The following TAFA5 variants were observed in gnomAD, a reference collection of about 807,000 sequenced individuals.
TAFA5 encodes chemokine-like protein TAFA-5.
TAFA5 carries 6 observed loss-of-function variants against 15.3 expected under a neutral mutation model. The observed-to-expected ratio is 0.39, with a 90% CI of 0.21 to 0.77. The LOEUF (loss-of-function observed/expected upper bound fraction) is 0.77. Ranked by LOEUF, TAFA5 falls within the 30% of genes least tolerant of loss-of-function variation. TAFA5 has a pLI of 0.41. For missense variants in TAFA5, 161 were observed against 193.1 expected (o/e 0.83, Z 0.98); for synonymous variants, 103 against 80.7 (o/e 1.28, Z -1.48).
In TAFA5 at chr22:48,720,998, C is replaced by A. The variant is rs575740731; in HGVS notation, c.390+13154C>A. Among the ~76,000 whole-genome samples, 13 of 152,306 alleles carry A rather than the reference C, an allele frequency of 8.5e-5. 1 individual carries two copies. The highest frequency in any genetic ancestry group is 1.0e-4 in the Non-Finnish European group (7 of 68,012). ...ACGTGAAGACCCCGGATGAGGAACC[C>A]GAGTGGCCCCCTCTCCTGAGGGCGC... is the stretch of plus-strand genomic sequence containing the variant. On this transcript the variant is annotated intron_variant, in intron 3 of 3. Transcript: ENST00000402357.
intron 1 of TAFA5, among the ~76,000 whole-genome samples, chr22:48,636,460 A>G (rs571557371): frequency 6.6e-6 from 1 of 152,236 alleles, no homozygotes; most frequent in South Asian, 2.1e-4. Context: ...TGTGTTTTTA[A>G]TCCTCATACT....
At chr22:48,731,488 A>C (rs898422541) in intron 3 of TAFA5, among the ~76,000 whole-genome samples, 2 of 152,238 alleles carry the variant, frequency 1.3e-5, no homozygotes, top group Non-Finnish European at 2.9e-5. Flanking sequence ...GAAGCACCAG[A>C]GGACAGGCTG....
chr22:48,554,596 G>A (rs114672394), intron 1 of TAFA5, among the ~76,000 whole-genome samples: 2 of 152,272 alleles, frequency 1.3e-5, no homozygotes, highest in African/African-American at 4.8e-5. Context: ...GAGGTTCAGC[G>A]GAGGTCACAG....
rs369986726 is a variant in TAFA5, at chr22:48,751,042, C to A, written c.*1195C>A. 2.0e-5 allele frequency: 3 copies of A among 152,296 alleles called. No homozygotes were observed. The highest frequency in any genetic ancestry group is 1.9e-4 in the East Asian group (1 of 5,176). 9.4% of individuals were successfully genotyped at this position (152,296 alleles called of 1,614,324 possible). On this transcript the variant is annotated 3_prime_UTR_variant, in exon 4 of 4. Transcript: ENST00000402357. ...AGAAGCGTGCGGAGGACCGTGGCGT[C>A]GGCGTCCCGGATGTGTCGGTCGTGC... is the stretch of plus-strand genomic sequence containing the variant.
chr22:48,523,740 A>C (rs533752116), intron 1 of TAFA5, among the ~76,000 whole-genome samples: 1 of 152,198 alleles, frequency 6.6e-6, no homozygotes. Context: ...GGCAGCCCAG[A>C]CTTACTACCA....
At chr22:48,705,001 G>T (rs75030500) in intron 2 of TAFA5, among the ~76,000 whole-genome samples, 2,398 of 152,060 alleles carry the variant, frequency 0.016, 56 homozygotes, top group African/African-American at 0.055. Flanking sequence ...AAGAGAGACA[G>T]CGAGCACACA....
intron 1 of TAFA5, among the ~76,000 whole-genome samples, chr22:48,535,376 TAGA>T (rs1922119444): frequency 1.3e-5 from 2 of 152,232 alleles, no homozygotes; most frequent in Non-Finnish European, 2.9e-5. Flanking sequence ...GTGATGGCCT[TAGA>T]AGAAATGTCT....
At chr22:48,580,616 C>T (rs1183198112) in intron 1 of TAFA5, among the ~76,000 whole-genome samples, 1 of 152,162 alleles carries the variant, frequency 6.6e-6, no homozygotes, top group Non-Finnish European at 1.5e-5. Context: ...CACCGGGCTC[C>T]ATTCTGAGTG....
intron 1 of TAFA5, among the ~76,000 whole-genome samples, chr22:48,563,786 C>G (rs960044234): frequency 1.3e-5 from 2 of 152,066 alleles, no homozygotes; most frequent in Non-Finnish European, 2.9e-5. Flanking sequence ...GTCAAGACCC[C>G]AAGGACCCAC....
chr22:48,565,159 C>A (rs1183758991), intron 1 of TAFA5, among the ~76,000 whole-genome samples: 1 of 152,188 alleles, frequency 6.6e-6, no homozygotes, highest in Non-Finnish European at 1.5e-5. Flanking sequence ...CATGTGAGGG[C>A]ATGTGGGCTC....
At chr22:48,692,857 G>A (rs559398757) in intron 2 of TAFA5, among the ~76,000 whole-genome samples, 2 of 152,352 alleles carry the variant, frequency 1.3e-5, no homozygotes, top group South Asian at 4.1e-4. Flanking sequence ...GTTGGGCCCA[G>A]GCCAGGAACA....
rs1923419330 is a variant in TAFA5, at chr22:48,566,688, G to GC, written c.112+76984_112+76985insC. ...CAGCAATACGTTGGGGGGTGGGGTG[G>GC]AATCTTTGCCTAAGAAGGTTGTGAG... On this transcript the variant is annotated intron_variant, in intron 1 of 3. Coordinates refer to ENST00000402357, the MANE Select transcript of TAFA5 (RefSeq NM_001082967.3). The surrounding 1 kb of genome is among the most constrained non-coding windows in gnomAD (Gnocchi z 4.5). Among the ~76,000 whole-genome samples the GC allele has an allele frequency of 1.3e-5, 2 of 152,198 alleles. No homozygotes were observed. The highest frequency in any genetic ancestry group is 2.9e-5 in the Non-Finnish European group (2 of 68,038).
At chr22:48,664,454 C>T (rs866736226) in intron 2 of TAFA5, among the ~76,000 whole-genome samples, 18 of 152,172 alleles carry the variant, frequency 1.2e-4, no homozygotes, top group African/African-American at 4.3e-4. Context: ...TAGACATATT[C>T]TGAAGAGATT....
At chr22:48,620,919 C>T (rs1925797265) in intron 1 of TAFA5, among the ~76,000 whole-genome samples, 1 of 63,982 alleles carries the variant, frequency 1.6e-5, no homozygotes, top group Non-Finnish European at 3.4e-5. Context: ...ACCCACCTAT[C>T]CTATTCATCC....
intron 1 of TAFA5, among the ~76,000 whole-genome samples, chr22:48,588,352 C>T (rs1469773364): frequency 2.0e-5 from 3 of 152,256 alleles, no homozygotes; most frequent in Non-Finnish European, 4.4e-5. Context: ...GCAGTCTCGG[C>T]GGCCGCCCGA....
At chr22:48,529,893 C>G (rs1921915443) in intron 1 of TAFA5, among the ~76,000 whole-genome samples, 1 of 152,108 alleles carries the variant, frequency 6.6e-6, no homozygotes, top group South Asian at 2.1e-4. Flanking sequence ...GAGGAAAACT[C>G]TGGAAGAAAG....
chr22:48,646,285 C>T (rs958513686), intron 1 of TAFA5, among the ~76,000 whole-genome samples: 13 of 152,306 alleles, frequency 8.5e-5, no homozygotes, highest in African/African-American at 2.6e-4. Flanking sequence ...CCTTGTGATC[C>T]GAACCTTTCA....
chr22:48,734,280 C>T (rs1327507422), intron 3 of TAFA5, among the ~76,000 whole-genome samples: 3 of 152,198 alleles, frequency 2.0e-5, no homozygotes, highest in Non-Finnish European at 2.9e-5. Flanking sequence ...ATGCCATAGA[C>T]GCTGACATGG....
intron 2 of TAFA5, among the ~76,000 whole-genome samples, chr22:48,697,849 G>A (rs551978857): frequency 2.2e-4 from 34 of 151,754 alleles, no homozygotes; most frequent in African/African-American, 6.8e-4. Flanking sequence ...TGAGGATACC[G>A]GTGGTGGTTA....
Sources: allele counts gnomAD v4.1 joint callset (sites outside exome capture counted in the v4.1 genomes callset), GRCh38; gene constraint gnomAD v4.1.1; non-coding constraint Gnocchi (gnomAD v3.1); transcripts MANE v1.5; gene names NCBI Gene and HGNC (gene_info 2026-07-23, HGNC 2026-07-21).